NSD2: variants seen among roughly 807,000 people sequenced by gnomAD.
NSD2 encodes histone-lysine N-methyltransferase NSD2.
In NSD2, 12 loss-of-function variants were observed where a neutral mutation model predicts 139.0. The ratio of observed to expected loss-of-function variants is 0.09; its 90% CI spans 0.06 to 0.14. NSD2 has a LOEUF of 0.14. Among genes scored for constraint, NSD2 ranks in the 10% least tolerant of loss-of-function variants. The pLI is 1.00. For synonymous variants in NSD2, 669 were observed against 648.7 expected (o/e 1.03, Z -0.48); for missense variants, 1,155 against 1,745.0 (o/e 0.66, Z 6.02).
At position 1,956,721 on chromosome 4, in the gene NSD2, A is replaced by G. The variant is rs1308868510; in HGVS notation, c.2881+533A>G. On this transcript the variant is annotated intron_variant, in intron 15 of 21. Coordinates refer to ENST00000508803, the MANE Select transcript of NSD2 (RefSeq NM_001042424.3). The surrounding 1 kb of genome is among the most constrained non-coding windows in gnomAD (Gnocchi z 5.3). Reference sequence around the variant, plus strand: ...GACCCTTCACTGGAGGAACTGGAGGAACTGGTATTTATGATCGGTCAAGAG... The same window carrying G: ...GACCCTTCACTGGAGGAACTGGAGGGACTGGTATTTATGATCGGTCAAGAG... Among the ~76,000 whole-genome samples the G allele has an allele frequency of 6.6e-6, 1 of 152,164 alleles. No individual in the cohort carries two copies. The highest frequency in any genetic ancestry group is 1.5e-5 in the Non-Finnish European group (1 of 68,024).
rs1285824460 is a variant in NSD2, at chr4:1,955,116, G to A, written c.2339-45G>A. 6.4e-7 allele frequency: 1 copy of A among 1,554,634 alleles called. No individual in the cohort carries two copies. The highest frequency in any genetic ancestry group is 1.4e-5 in the African/African-American group (1 of 73,790). The stretch of plus-strand genomic sequence containing the variant: ...ATTAGTTGCTCTTTTCACTATGACT[G>A]GAGTCAGTGTTTGGGGTCCTTAGGG... On this transcript the variant is annotated intron_variant, in intron 12 of 21. Coordinates refer to ENST00000508803, the MANE Select transcript of NSD2 (RefSeq NM_001042424.3). This position sits in a 1 kb window ranked among gnomAD's most constrained non-coding sequence, Gnocchi z 4.7.
chr4:1,947,391 C>T (rs749121570), intron 9 of NSD2: 10 of 1,060,798 alleles, frequency 9.4e-6, no homozygotes, highest in East Asian at 1.0e-4. Context: ...GGTTAGAAGA[C>T]GACTGTGGTG....
At chr4:1,964,874 A>G (rs1051561139) in intron 18 of NSD2, among the ~76,000 whole-genome samples, 2 of 152,166 alleles carry the variant, frequency 1.3e-5, no homozygotes, top group Admixed American at 6.5e-5. Context: ...CTCAAAAAAG[A>G]TCTGGAAAGA....
chr4:1,896,000 C>T (rs1716240911), intron 1 of NSD2, among the ~76,000 whole-genome samples: 3 of 152,220 alleles, frequency 2.0e-5, no homozygotes, highest in African/African-American at 4.8e-5. Context: ...GCTTCTTTTC[C>T]TCCTTACTGT....
At position 1,936,106 on chromosome 4, in the gene NSD2, G is replaced by A. The variant is rs573441816; in HGVS notation, c.1674+844G>A. Among the ~76,000 whole-genome samples, 9 of 152,304 alleles carry A rather than the reference G, an allele frequency of 5.9e-5. No homozygotes were observed. The East Asian group carries it at 1.5e-3, about 26-fold the overall frequency. On this transcript the variant is annotated intron_variant, in intron 7 of 21. Transcript: ENST00000508803. ...AGGAAAAGTGCAGCATAGATACAAA[G>A]CCAGCCCCGGGTCCTTGTGCTCCTC...
chr4:1,939,332 A>AC, intron 8 of NSD2: 1 of 327,332 alleles, frequency 3.1e-6, no homozygotes, highest in South Asian at 4.3e-5. Flanking sequence ...TTTGTGCTAA[A>AC]CTTCTTATGG....
chr4:1,953,410 G>T lies in NSD2; in HGVS notation c.2224G>T (p.Ala742Ser), dbSNP rs767239709. 6 of 1,614,190 alleles carry T rather than the reference G, an allele frequency of 3.7e-6. No individual in the cohort carries two copies. The East Asian group carries it at 6.7e-5, about 18-fold the overall frequency. Residue 742 changes from alanine (A) to serine (S), a missense_variant, in exon 12 of 22, where the codon GCT becomes TCT. Around this residue, in one of 8 missense-constraint regions of NSD2, gnomAD observed 120 missense variants for 239.3 expected, o/e 0.50. Transcript: ENST00000508803. ...TCAGTGTGGAAAATTTTACCATGAGGCTTGTGTGAAAAAATACCCTCTGAC... is the reference window on the plus strand; with the variant it reads ...TCAGTGTGGAAAATTTTACCATGAGTCTTGTGTGAAAAAATACCCTCTGAC... ...VTQCGKFYHEACVKKYPLTVF... is the reference protein window; with the variant it reads ...VTQCGKFYHESCVKKYPLTVF...
At chr4:1,971,130 G>A (rs1301689314) in intron 18 of NSD2, among the ~76,000 whole-genome samples, 6 of 152,194 alleles carry the variant, frequency 3.9e-5, no homozygotes, top group East Asian at 1.9e-4. Flanking sequence ...AGGCTGAGGC[G>A]GGTGGATTGC....
At position 1,974,577 on chromosome 4, in the gene NSD2, C is replaced by G; in HGVS notation, c.3373-286C>G. The G allele has an allele frequency of 1.8e-6, 1 of 542,646 alleles. No individual in the cohort carries two copies. The highest frequency in any genetic ancestry group is 1.7e-5 in the South Asian group (1 of 59,872). 33.6% of individuals were successfully genotyped at this position (542,646 alleles called of 1,614,324 possible). A position where few individuals can be genotyped will look rare whatever the true frequency, so the allele number is the denominator to read the frequency against. On this transcript the variant is annotated intron_variant, in intron 18 of 21. Coordinates refer to ENST00000508803, the MANE Select transcript of NSD2 (RefSeq NM_001042424.3). The surrounding 1 kb of genome is among the most constrained non-coding windows in gnomAD (Gnocchi z 4.0). Reference sequence around the variant, plus strand: ...TAGGCTGTTGCTGCTGACCTTAGCTCCCTTGTTTGCCATCATGGAGGATGC... The same window carrying G: ...TAGGCTGTTGCTGCTGACCTTAGCTGCCTTGTTTGCCATCATGGAGGATGC...
intron 1 of NSD2, among the ~76,000 whole-genome samples, chr4:1,881,762 T>C (rs1344276306): frequency 6.6e-6 from 1 of 152,160 alleles, no homozygotes; most frequent in East Asian, 1.9e-4. Context: ...AAGCAAGTCA[T>C]GAAGGAAAGA....
intron 6 of NSD2, among the ~76,000 whole-genome samples, chr4:1,933,310 T>G (rs1273993117): frequency 6.6e-6 from 1 of 152,236 alleles, no homozygotes; most frequent in Non-Finnish European, 1.5e-5. Flanking sequence ...TGAGCACTCT[T>G]TTGCTGGTGT....
At chr4:1,934,466 C>T (rs1722063811) in intron 6 of NSD2, among the ~76,000 whole-genome samples, 1 of 151,562 alleles carries the variant, frequency 6.6e-6, no homozygotes, top group African/African-American at 2.4e-5. Flanking sequence ...ACACTCCAGC[C>T]TGAGCTACAA....
intron 18 of NSD2, among the ~76,000 whole-genome samples, chr4:1,964,984 G>A (rs1274999340): frequency 2.1e-5 from 3 of 142,018 alleles, no homozygotes; most frequent in Middle Eastern, 3.8e-3. Context: ...CAAACCTAGG[G>A]CAAGGGGAGG....
At chr4:1,881,427 TG>T in intron 1 of NSD2, among the ~76,000 whole-genome samples, 1 of 152,248 alleles carries the variant, frequency 6.6e-6, no homozygotes, top group Middle Eastern at 3.4e-3. Context: ...CACGCCCGGT[TG>T]ATTTTTTTGT....
Position 1,879,824 on chromosome 4 carries a change from T to TTGTGTGTGTGTG in NSD2, c.-30+8306_-30+8317dup, listed in dbSNP as rs140755867. On this transcript the variant is annotated intron_variant, in intron 1 of 21. Transcript: ENST00000508803. ...GTTGCAGACCCTGGGCCCATGGCAC[T>TTGTGTGTGTGTG]TGTGTGTGTGTGTGTGTGTGTGTGT... Among the ~76,000 whole-genome samples, 171 of 144,148 alleles carry TTGTGTGTGTGTG rather than the reference T, an allele frequency of 1.2e-3. 1 individual carries two copies. Among genetic ancestry groups the TTGTGTGTGTGTG allele is most frequent in the African/African-American group, 4.2e-3 (163 of 39,072 alleles). 94.6% of individuals were successfully genotyped at this position (144,148 alleles called of 152,430 possible).
intron 10 of NSD2, among the ~76,000 whole-genome samples, chr4:1,951,501 C>T (rs1321925796): frequency 1.6e-5 from 2 of 128,690 alleles, no homozygotes; most frequent in African/African-American, 6.0e-5. Flanking sequence ...CACACACACA[C>T]ACACACACAC....
Position 1,912,035 on chromosome 4 carries a change from A to G in NSD2, c.761-4836A>G, listed in dbSNP as rs868407670. ...TTCATTACTAAGAAAAGTTCTTACA[A>G]AGTTTTAAAGTAATGGAAGAAGTCA... On this transcript the variant is annotated intron_variant, in intron 3 of 21. Transcript: ENST00000508803. The G allele has an allele frequency of 6.1e-5, 17 of 278,640 alleles. No homozygotes were observed. The Middle Eastern group carries it at 4.7e-3, about 76-fold the overall frequency. 17.3% of individuals were successfully genotyped at this position (278,640 alleles called of 1,614,324 possible).
intron 15 of NSD2, among the ~76,000 whole-genome samples, chr4:1,957,124 C>T (rs1181283051): frequency 6.6e-6 from 1 of 152,178 alleles, no homozygotes; most frequent in Non-Finnish European, 1.5e-5. Flanking sequence ...GCTGCAAAAA[C>T]AGGGCAGACC....
chr4:1,932,297 G>C (rs1721734097), intron 6 of NSD2, among the ~76,000 whole-genome samples: 1 of 151,900 alleles, frequency 6.6e-6, no homozygotes, highest in African/African-American at 2.4e-5. Flanking sequence ...AAATTAGCCA[G>C]GCCTGGTGGT....
Sources: allele counts gnomAD v4.1 joint callset (sites outside exome capture counted in the v4.1 genomes callset), GRCh38; gene constraint gnomAD v4.1.1; regional missense constraint gnomAD v4.1.1; non-coding constraint Gnocchi (gnomAD v3.1); transcripts MANE v1.5; gene names NCBI Gene and HGNC (gene_info 2026-07-23, HGNC 2026-07-21).